ACAP3: variants seen among roughly 807,000 people sequenced by gnomAD.
ACAP3 encodes the protein ArfGAP with coiled-coil, ankyrin repeat and PH domains 3.
ACAP3 carries 56 observed loss-of-function variants against 104.1 expected under a neutral mutation model. The ratio of observed to expected loss-of-function variants is 0.54; its 90% confidence interval spans 0.43 to 0.67. The LOEUF is 0.67. ACAP3 is among the 30% of genes least tolerant of loss of function. ACAP3 has a pLI of 0.00. For synonymous variants in ACAP3, 628 were observed against 496.2 expected (o/e 1.27, Z -3.53); for missense variants, 1,208 against 1,174.9 (o/e 1.03, Z -0.41).
At chr1:1,306,218 G>A (rs1029286970) in intron 1 of ACAP3, among the ~76,000 whole-genome samples, 4 of 152,090 alleles carry the variant, frequency 2.6e-5, no homozygotes, top group African/African-American at 7.2e-5. Context: ...CATGAGAGCC[G>A]GTTACCAGAG....
chr1:1,307,057 C>CA (rs1162672485), intron 1 of ACAP3: 7 of 727,270 alleles, frequency 9.6e-6, no homozygotes, highest in Non-Finnish European at 1.5e-5. Context: ...GAGGGGGCCT[C>CA]ACGCAGGTGC....
In ACAP3 at chr1:1,299,888, G is replaced by T. The variant is rs80128433; in HGVS notation, c.681C>A (p.Ile227=). The stretch of plus-strand genomic sequence containing the variant: ...TCTCACGCTTTTCCACCGCAGAGTC[G>T]ATCACCAGCTGGTCCAGCTGTTGGG... ...KLAAELDQLV[I]DSAVEKREME... Residue 227 remains isoleucine, a synonymous_variant, in exon 9 of 24, where the codon ATC becomes ATA. Transcript: ENST00000354700. 3 of 1,581,044 alleles carry T rather than the reference G, an allele frequency of 1.9e-6. No homozygotes were observed. The highest frequency in any genetic ancestry group is 2.6e-6 in the Non-Finnish European group (3 of 1,159,782).
chr1:1,298,512 T>G (rs1570645923), intron 11 of ACAP3, 55 bp downstream of exon 11: 4 of 312,566 alleles, frequency 1.3e-5, no homozygotes, highest in Non-Finnish European at 2.0e-5. Context: ...CACCCCCGCC[T>G]GAGGACCCCA....
intron 1 of ACAP3, chr1:1,305,491 C>T (rs1261025539): frequency 1.3e-5 from 2 of 152,274 alleles, no homozygotes; most frequent in South Asian, 2.1e-4. Flanking sequence ...CTGCCGCCCT[C>T]GGGTTTGGGG....
In ACAP3 at chr1:1,296,246, G is replaced by C; in HGVS notation, c.1372C>G (p.Leu458Val). The change falls in exon 16 of 24, where the codon CTG becomes GTG. Residue 458 changes from leucine to valine, a missense_variant. Physicochemically the swap from Leu to Val is conservative, Grantham distance 32 (BLOSUM62 1). Coordinates refer to ENST00000354700, the MANE Select transcript of ACAP3 (RefSeq NM_030649.3). ...TCAGGCTCCCACGAGTCCAGCGTCA[G>C]GGACCGCACCTTGGAGCAGTGGACA... ...LGVHCSKVRS[L>V]TLDSWEPELL... 1.3e-6 allele frequency: 2 copies of C among 1,563,430 alleles called. No individual in the cohort carries two copies. Among genetic ancestry groups the C allele is most frequent in the Non-Finnish European group, 1.7e-6 (2 of 1,153,944 alleles).
At chr1:1,298,881 G>A in intron 10 of ACAP3, 2 of 589,358 alleles carry the variant, frequency 3.4e-6, no homozygotes, top group South Asian at 2.1e-5. Context: ...AACCCGTGGG[G>A]CAGACCCCTC....
chr1:1,297,680 TCCCCGGTGGCAC>T lies in ACAP3; in HGVS notation c.1128+130_1128+141del, dbSNP rs1418285743. 6 of 581,246 alleles carry T rather than the reference TCCCCGGTGGCAC, an allele frequency of 1.0e-5. No individual in the cohort carries two copies. The African/African-American group carries it at 4.9e-4, about 47-fold the overall frequency. 36.0% of individuals were successfully genotyped at this position (581,246 alleles called of 1,614,324 possible). A position where few individuals can be genotyped will look rare whatever the true frequency, so the allele number is the denominator to read the frequency against. ...GTGCACAGGCGCGGGGCAGGGGCCATCCCCGGTGGCACGTGTGCACGGGCACGGGGCAGGGGC... is the reference window on the plus strand; with the variant it reads ...GTGCACAGGCGCGGGGCAGGGGCCATGTGTGCACGGGCACGGGGCAGGGGC... On this transcript the variant is annotated intron_variant, in intron 14 of 23. Transcript: ENST00000354700.
intron 16 of ACAP3, 32 bp from the exon 17 acceptor site, chr1:1,296,141 G>A (rs781672997): frequency 6.2e-6 from 10 of 1,611,426 alleles, no homozygotes; most frequent in South Asian, 3.3e-5. Flanking sequence ...AGGCATCAGT[G>A]CGAACCTGCA....
At position 1,293,657 on chromosome 1, in the gene ACAP3, A is replaced by T. The variant is rs1640943769; in HGVS notation, c.2412T>A (p.Pro804=). 6.8e-7 allele frequency: 1 copy of T among 1,468,078 alleles called. No homozygotes were observed. Among genetic ancestry groups the T allele is most frequent in the African/African-American group, 1.5e-5 (1 of 65,264 alleles). The allele number at this position is 1,468,078 out of a possible 1,614,324, so 90.9% of individuals were successfully genotyped here. ...AEEMREAEAA[P]GPPGALAGSP... Reference sequence around the variant, plus strand: ...TGCCCGCCAGGGCGCCCGGGGGACCAGGGGCAGCCTCGGCCTCGCGCATTT... The same window carrying T: ...TGCCCGCCAGGGCGCCCGGGGGACCTGGGGCAGCCTCGGCCTCGCGCATTT... The change falls in exon 24 of 24, where the codon CCT becomes CCA. Residue 804 remains proline (P), a synonymous_variant. Transcript: ENST00000354700.
Position 1,294,720 on chromosome 1 carries a change from T to C in ACAP3, c.1910A>G (p.Glu637Gly). ...SGSVVDSVTE[E>G]EGAESEESSG... ...GGCGAGGGCAAGACGCCACCCACCC[T>C]CCTCAGTGACGCTGTCCACCACAGA... Residue 637 changes from glutamate (E) to glycine (G), a missense_variant and splice_region_variant, in exon 20 of 24, where the codon GAG becomes GGG. Transcript: ENST00000354700. The C allele has an allele frequency of 3.9e-6, 6 of 1,549,274 alleles. No individual in the cohort carries two copies. The South Asian group carries it at 7.1e-5, about 18-fold the overall frequency.
In ACAP3 at chr1:1,307,839, C is replaced by A; in HGVS notation, c.-24G>T. 9.6e-7 allele frequency: 1 copy of A among 1,039,932 alleles called. No individual in the cohort carries two copies. The highest frequency in any genetic ancestry group is 5.7e-5 in the Admixed American group (1 of 17,578). 64.4% of individuals were successfully genotyped at this position (1,039,932 alleles called of 1,614,324 possible). On this transcript the variant is annotated 5_prime_UTR_variant, in exon 1 of 24. Transcript: ENST00000354700. Reference sequence around the variant, plus strand: ...ATGGCTGCGGCGGCCGCGGCGCTCACTGGCACGAGGACCGCGGCGCCGAGC... The same window carrying A: ...ATGGCTGCGGCGGCCGCGGCGCTCAATGGCACGAGGACCGCGGCGCCGAGC...
In ACAP3 at chr1:1,303,151, C is replaced by T. The variant is rs745425961; in HGVS notation, c.225+11G>A. 1.9e-6 allele frequency: 3 copies of T among 1,588,526 alleles called. No individual in the cohort carries two copies. Among genetic ancestry groups the T allele is most frequent in the East Asian group, 2.3e-5 (1 of 43,582 alleles). On this transcript the variant is annotated intron_variant, in intron 3 of 23. Coordinates refer to ENST00000354700, the MANE Select transcript of ACAP3 (RefSeq NM_030649.3). The surrounding 1 kb of genome is among the most constrained non-coding windows in gnomAD (Gnocchi z 4.0). ...CCCCACCTTGAGGTCAGAGGTCAGT[C>T]GGCCCCTCACCGAGATGACGGTGTC...
In ACAP3 at chr1:1,300,303, A is replaced by AC. The variant is rs976396491; in HGVS notation, c.523-102dup. 30 of 1,417,908 alleles carry AC rather than the reference A, an allele frequency of 2.1e-5. No homozygotes were observed. The African/African-American group carries it at 3.3e-4, about 16-fold the overall frequency. 87.8% of individuals were successfully genotyped at this position (1,417,908 alleles called of 1,614,324 possible). On this transcript the variant is annotated intron_variant, in intron 6 of 23. Transcript: ENST00000354700. ...CCTGAGCTGCTTGTGGTTCCCTGAG[A>AC]CCCCCAGGTCGTCTTCAGCTCCCAG...
chr1:1,307,844 A>G lies in ACAP3; in HGVS notation c.-29T>C. On this transcript the variant is annotated 5_prime_UTR_variant, in exon 1 of 24. Coordinates refer to ENST00000354700, the MANE Select transcript of ACAP3 (RefSeq NM_030649.3). ...TGCGGCGGCCGCGGCGCTCACTGGC[A>G]CGAGGACCGCGGCGCCGAGCGGCAG... The G allele has an allele frequency of 9.7e-7, 1 of 1,030,612 alleles. No homozygotes were observed. The highest frequency in any genetic ancestry group is 1.2e-6 in the Non-Finnish European group (1 of 860,294). 63.8% of individuals were successfully genotyped at this position (1,030,612 alleles called of 1,614,324 possible).
chr1:1,302,135 C>T, intron 4 of ACAP3, 89 bp from the exon 5 acceptor site: 2 of 1,196,672 alleles, frequency 1.7e-6, no homozygotes, highest in East Asian at 2.8e-5. Flanking sequence ...GAGGGCACTG[C>T]CCCCAGGCCC....
Position 1,296,504 on chromosome 1 carries a change from C to A in ACAP3, c.1258G>T (p.Asp420Tyr). 6.5e-7 allele frequency: 1 copy of A among 1,541,822 alleles called. No individual in the cohort carries two copies. The highest frequency in any genetic ancestry group is 8.7e-7 in the Non-Finnish European group (1 of 1,146,746). The change falls in exon 15 of 24, where the codon GAC becomes TAC. Residue 420 changes from aspartate (D) to tyrosine (Y), a missense_variant. Asp to Tyr is a radical substitution (Grantham distance 160). Coordinates refer to ENST00000354700, the MANE Select transcript of ACAP3 (RefSeq NM_030649.3). ...QSVAGNSQCG[D>Y]CGQPDPRWAS... is the part of the protein sequence containing the mutation. ...CAGCGGGGGTCCGGCTGGCCGCAGTCGCCGCACTGGCTGTTGCCGGCCACA... is the reference window on the plus strand; with the variant it reads ...CAGCGGGGGTCCGGCTGGCCGCAGTAGCCGCACTGGCTGTTGCCGGCCACA...
In ACAP3 at chr1:1,303,392, C is replaced by T. The variant is rs1056759242; in HGVS notation, c.106-111G>A. ...CTCCCAGGGTAGGTTCCACTCAGGG[C>T]GTTGGCACTCAGGACTCAGTGCCCC... is the stretch of plus-strand genomic sequence containing the variant. On this transcript the variant is annotated intron_variant, in intron 2 of 23. Transcript: ENST00000354700. This position sits in a 1 kb window ranked among gnomAD's most constrained non-coding sequence, Gnocchi z 4.0. 2.9e-5 allele frequency: 36 copies of T among 1,224,732 alleles called. No individual in the cohort carries two copies. The highest frequency in any genetic ancestry group is 2.0e-4 in the African/African-American group (13 of 63,522). 75.9% of individuals were successfully genotyped at this position (1,224,732 alleles called of 1,614,324 possible).
Position 1,300,665 on chromosome 1 carries a change from C to T in ACAP3, c.366G>A (p.Lys122=). 1 of 1,608,986 alleles carries T rather than the reference C, an allele frequency of 6.2e-7. No homozygotes were observed. The highest frequency in any genetic ancestry group is 8.5e-7 in the Non-Finnish European group (1 of 1,178,778). ...CCTCCCGCACCTTGTCAAACTGCTTCTTTGTCTCCTTGAACTTCCGCACAT... is the reference window on the plus strand; with the variant it reads ...CCTCCCGCACCTTGTCAAACTGCTTTTTTGTCTCCTTGAACTTCCGCACAT... ...KEDVRKFKET[K]KQFDKVREDL... The change falls in exon 6 of 24, where the codon AAG becomes AAA. Residue 122 remains lysine (K), a synonymous_variant. Transcript: ENST00000354700.
chr1:1,299,869 G>A lies in ACAP3; in HGVS notation c.700C>T (p.Arg234Cys), dbSNP rs142518669. The change falls in exon 9 of 24, where the codon CGT becomes TGT. Residue 234 changes from arginine to cysteine, a missense_variant. Coordinates refer to ENST00000354700, the MANE Select transcript of ACAP3 (RefSeq NM_030649.3). ...GCGGCGTGCTTTCGCTCCATCTCAC[G>A]CTTTTCCACCGCAGAGTCGATCACC... Reference protein sequence around the residue: ...QLVIDSAVEKREMERKHAAIQ... With the variant: ...QLVIDSAVEKCEMERKHAAIQ... The A allele has an allele frequency of 9.5e-6, 15 of 1,571,338 alleles. No individual in the cohort carries two copies. The highest frequency in any genetic ancestry group is 2.3e-5 in the East Asian group (1 of 42,608).
Sources: gnomAD v4.1 joint callset for allele counts (sites outside exome capture counted in the v4.1 genomes callset) on GRCh38, gnomAD v4.1.1 for gene constraint, Gnocchi (gnomAD v3.1) non-coding constraint, MANE v1.5 for transcripts, NCBI Gene and HGNC (gene_info 2026-07-23, HGNC 2026-07-21) for gene names.